The following CLEC4C variants were observed in gnomAD, a reference collection of about 807,000 sequenced individuals.
The protein encoded by CLEC4C is C-type (calcium dependent, carbohydrate-recognition domain) lectin, superfamily member 11.
CLEC4C carries 17 observed loss-of-function variants against 27.7 expected under a neutral mutation model. The ratio of observed to expected loss-of-function variants is 0.61; its 90% confidence interval spans 0.42 to 0.92. The LOEUF (loss-of-function observed/expected upper bound fraction) is 0.92. Ranked by LOEUF, CLEC4C falls within the 40% of genes least tolerant of loss-of-function variation. The pLI is 0.00. For missense variants in CLEC4C, 244 were observed against 257.3 expected (o/e 0.95, Z 0.35); for synonymous variants, 80 against 80.8 (o/e 0.99, Z 0.06).
chr12:7,742,243 T>G (rs1592097117), intron 2 of CLEC4C, among the ~76,000 whole-genome samples: 1 of 152,008 alleles, frequency 6.6e-6, no homozygotes. Context: ...CTGGGCATGG[T>G]GGCTCACACC....
At chr12:7,740,139 G>A (rs951113374) in intron 3 of CLEC4C, among the ~76,000 whole-genome samples, 7 of 151,046 alleles carry the variant, frequency 4.6e-5, no homozygotes, top group African/African-American at 1.5e-4. Flanking sequence ...GCGCTTGGGT[G>A]ATTTATTTTT....
chr12:7,730,723 C>G, intron 5 of CLEC4C, 74 bp downstream of exon 5: 1 of 694,812 alleles, frequency 1.4e-6, no homozygotes, highest in Non-Finnish European at 2.5e-6. Context: ...TGTTTGTTTG[C>G]TTAATAGCTG....
intron 2 of CLEC4C, among the ~76,000 whole-genome samples, chr12:7,743,820 A>C (rs992925394): frequency 6.6e-6 from 1 of 152,020 alleles, no homozygotes; most frequent in Non-Finnish European, 1.5e-5. Flanking sequence ...TTGCATTGCT[A>C]TAAAGGAATA....
At chr12:7,734,065 ATGT>A (rs1412519392) in intron 4 of CLEC4C, among the ~76,000 whole-genome samples, 1 of 149,236 alleles carries the variant, frequency 6.7e-6, no homozygotes, top group Non-Finnish European at 1.5e-5. Context: ...GCCTCAAATA[ATGT>A]TGTACAAACA....
intron 5 of CLEC4C, 112 bp downstream of exon 5, chr12:7,730,685 A>C: frequency 1.8e-6 from 1 of 556,190 alleles, no homozygotes; most frequent in Non-Finnish European, 3.3e-6. Flanking sequence ...AAATAGACCT[A>C]GGTTTTAAAA....
intron 4 of CLEC4C, among the ~76,000 whole-genome samples, chr12:7,732,895 C>T (rs1031411282): frequency 3.3e-5 from 5 of 151,832 alleles, no homozygotes; most frequent in African/African-American, 9.7e-5. Context: ...CTGCAGTGAG[C>T]GGAGATCGCG....
rs1459118887 is a variant in CLEC4C, at chr12:7,737,608, T to G, written c.236-34A>C. 3 of 1,586,704 alleles carry G rather than the reference T, an allele frequency of 1.9e-6. No individual in the cohort carries two copies. In the African/African-American group the frequency reaches 4.0e-5, roughly 21 times the overall value. ...ATGAGTATAGAAGAAGAAAAAATAT[T>G]AACAGAGAATTCTCCTCACATAAAG... On this transcript the variant is annotated intron_variant, in intron 3 of 5. Coordinates refer to ENST00000360345, the MANE Select transcript of CLEC4C (RefSeq NM_001371390.1).
chr12:7,730,639 T>TAAAAA (rs80129912), intron 5 of CLEC4C, 158 bp downstream of exon 5: 3 of 286,142 alleles, frequency 1.0e-5, no homozygotes, highest in Non-Finnish European at 6.4e-6. Flanking sequence ...GACTCTTGTC[T>TAAAAA]AAAAAAAAAA....
At chr12:7,747,388 G>T, upstream of CLEC4C, 1 of 1,606,900 alleles carries the variant, frequency 6.2e-7, no homozygotes, top group Non-Finnish European at 8.5e-7. Context: ...CTATCAGGTG[G>T]GTGCAGAAGC....
In CLEC4C at chr12:7,730,790, T is replaced by C. The variant is rs1269637930; in HGVS notation, c.497+7A>G. 1.3e-6 allele frequency: 2 copies of C among 1,489,390 alleles called. No individual in the cohort carries two copies. The highest frequency in any genetic ancestry group is 1.1e-5 in the South Asian group (1 of 88,580). The allele number at this position is 1,489,390 out of a possible 1,614,324, so 92.3% of individuals were successfully genotyped here. On this transcript the variant is annotated splice_region_variant and intron_variant, in intron 5 of 5. Transcript: ENST00000360345. ...ACCCAGTGTCCTTTACCTCATTCTA[T>C]ACTCACGTGACATTTTCATTGTATG...
chr12:7,748,605 T>C (rs1865038540), upstream of CLEC4C, among the ~76,000 whole-genome samples: 2 of 152,170 alleles, frequency 1.3e-5, no homozygotes, highest in South Asian at 4.1e-4. Context: ...TTCTAAGCTG[T>C]ATACTTGCTG....
At chr12:7,733,481 C>CTTTT (rs762051121) in intron 4 of CLEC4C, among the ~76,000 whole-genome samples, 6 of 119,830 alleles carry the variant, frequency 5.0e-5, no homozygotes, top group Non-Finnish European at 8.6e-5. Flanking sequence ...CCAAGCTGGT[C>CTTTT]TTTTTTTTTT....
At chr12:7,732,798 C>T (rs7310547) in intron 4 of CLEC4C, among the ~76,000 whole-genome samples, 150,927 of 151,498 alleles carry the variant, frequency 1, 75,191 homozygotes, top group Middle Eastern at 1. Context: ...CCGTCTCTAC[C>T]AAAATACAAA....
intron 2 of CLEC4C, among the ~76,000 whole-genome samples, chr12:7,745,949 C>T (rs1592100113): frequency 6.6e-6 from 1 of 151,840 alleles, no homozygotes; most frequent in African/African-American, 2.4e-5. Context: ...GGCGCGGTGG[C>T]TCACACCTGT....
chr12:7,737,052 G>A (rs1034438428), intron 4 of CLEC4C, among the ~76,000 whole-genome samples: 1 of 152,030 alleles, frequency 6.6e-6, no homozygotes, highest in African/African-American at 2.4e-5. Context: ...CTAACATGGT[G>A]AAACCTCGTC....
chr12:7,740,551 A>T (rs1346128210), intron 3 of CLEC4C, among the ~76,000 whole-genome samples: 2 of 151,706 alleles, frequency 1.3e-5, no homozygotes, highest in East Asian at 4.1e-4. Context: ...ATACAAAAAA[A>T]TTAGCCGGGC....
upstream of CLEC4C, among the ~76,000 whole-genome samples, chr12:7,748,666 C>A (rs1865039837): frequency 6.6e-6 from 1 of 152,166 alleles, no homozygotes; most frequent in Non-Finnish European, 1.5e-5. Flanking sequence ...ATTTACAGTT[C>A]CCTGAACCTC....
intron 3 of CLEC4C, among the ~76,000 whole-genome samples, chr12:7,738,613 C>T (rs866265774): frequency 8.5e-5 from 13 of 152,070 alleles, no homozygotes; most frequent in African/African-American, 2.9e-4. Flanking sequence ...ATCCTCCCAC[C>T]TCAGCCTCCC....
In CLEC4C at chr12:7,741,526, G is replaced by A. The variant is rs145316143; in HGVS notation, c.130C>T (p.His44Tyr). 1.9e-6 allele frequency: 3 copies of A among 1,546,354 alleles called. No homozygotes were observed. The highest frequency in any genetic ancestry group is 2.3e-5 in the East Asian group (1 of 44,344). ...VCFTVSSVVPHNFMYSKTVKR... is the reference protein window; with the variant it reads ...VCFTVSSVVPYNFMYSKTVKR... ...ACAGTTTTGCTATACATAAAATTGT[G>A]AGGCACTGGGAAAGAGAAATCGGAG... Residue 44 changes from histidine to tyrosine, a missense_variant, in exon 3 of 6, where the codon CAC becomes TAC. Physicochemically the swap from His to Tyr is moderately conservative, Grantham distance 83. Coordinates refer to ENST00000360345, the MANE Select transcript of CLEC4C (RefSeq NM_001371390.1).
Sources: allele counts gnomAD v4.1 joint callset (sites outside exome capture counted in the v4.1 genomes callset), GRCh38; gene constraint gnomAD v4.1.1; transcripts MANE v1.5; gene names NCBI Gene and HGNC (gene_info 2026-07-23, HGNC 2026-07-21).